Variants in LAMA2 observed in about 807,000 individuals in gnomAD.
LAMA2 encodes the protein laminin subunit alpha-2.
A neutral mutation model predicts 364.8 loss-of-function variants in LAMA2; 269 were observed. That is an observed-to-expected ratio of 0.74 (90% CI 0.67 to 0.82). LAMA2 has a LOEUF of 0.82. LAMA2 is among the 40% of genes least tolerant of loss of function. The pLI is 0.00. For missense variants in LAMA2, 3,807 were observed against 3,873.2 expected, an observed-to-expected ratio of 0.98 and a Z score of 0.45; for synonymous variants, 1,379 against 1,370.6, an observed-to-expected ratio of 1.01 and a Z score of -0.14.
intron 1 of LAMA2, among the ~76,000 whole-genome samples, chr6:128,978,607 T>C (rs889264297): frequency 6.6e-6 from 1 of 152,154 alleles, no homozygotes; most frequent in African/African-American, 2.4e-5. Flanking sequence ...TGAGCCACCA[T>C]GCCCGGTCAG....
chr6:129,403,762 G>A (rs1319718832), intron 39 of LAMA2, 59 bp from the exon 40 acceptor site: 18 of 1,514,382 alleles, frequency 1.2e-5, no homozygotes, highest in South Asian at 3.4e-5. Context: ...TAATTAGGAC[G>A]TTCTTCATTT....
chr6:129,353,417 C>G, intron 32 of LAMA2, 60 bp downstream of exon 32: 4 of 1,204,678 alleles, frequency 3.3e-6, no homozygotes, highest in Non-Finnish European at 4.5e-6. Context: ...TGTCTCATTT[C>G]CAATGAGAAA....
intron 62 of LAMA2, among the ~76,000 whole-genome samples, chr6:129,508,570 G>T (rs1014183346): frequency 8.5e-5 from 13 of 152,060 alleles, no homozygotes; most frequent in Non-Finnish European, 1.3e-4. Context: ...ATCTCCATGA[G>T]TTGAATTGCT....
chr6:129,272,709 G>A lies in LAMA2; in HGVS notation c.2450+1958G>A, dbSNP rs148996923. 2.0e-3 allele frequency among the ~76,000 whole-genome samples: 298 copies of A among 152,182 alleles called. 3 individuals are homozygous for A. The highest frequency in any genetic ancestry group is 0.015 in the Admixed American group (231 of 15,284). On this transcript the variant is annotated intron_variant, in intron 17 of 64. Transcript: ENST00000421865. ...AACCATCTATAGCCTGTTAGGAACC[G>A]GGCTGCCTAGCAGGAAGTGAGTGGT...
At chr6:128,981,961 T>C (rs1782916105) in intron 1 of LAMA2, among the ~76,000 whole-genome samples, 2 of 152,280 alleles carry the variant, frequency 1.3e-5, no homozygotes, top group South Asian at 4.1e-4. Context: ...TCTGCTCTCA[T>C]AGCACATAGG....
intron 32 of LAMA2, among the ~76,000 whole-genome samples, chr6:129,353,752 G>T (rs1197814565): frequency 1.3e-5 from 2 of 152,174 alleles, no homozygotes; most frequent in East Asian, 3.8e-4. Context: ...CGACTGGACA[G>T]ATACTTTAAG....
chr6:128,924,626 C>G (rs1778971198), intron 1 of LAMA2, among the ~76,000 whole-genome samples: 1 of 152,106 alleles, frequency 6.6e-6, no homozygotes, highest in Non-Finnish European at 1.5e-5. Flanking sequence ...TTATACTCCC[C>G]TCTTAGATAT....
At chr6:129,040,486 G>C (rs1399324131) in intron 1 of LAMA2, among the ~76,000 whole-genome samples, 2 of 152,054 alleles carry the variant, frequency 1.3e-5, no homozygotes, top group African/African-American at 4.8e-5. Context: ...GAAATTAGCT[G>C]TATGTGATGG....
chr6:129,478,188 T>A (rs1223661069), intron 53 of LAMA2, among the ~76,000 whole-genome samples: 2 of 152,182 alleles, frequency 1.3e-5, no homozygotes, highest in African/African-American at 4.8e-5. Context: ...TAAAGAGATA[T>A]GTAATATTAT....
chr6:129,388,324 A>G (rs915725886), intron 35 of LAMA2, among the ~76,000 whole-genome samples: 1 of 152,024 alleles, frequency 6.6e-6, no homozygotes, highest in African/African-American at 2.4e-5. Flanking sequence ...GCAAACCACC[A>G]TGGCATATGT....
chr6:129,061,793 A>G (rs1415905435), intron 3 of LAMA2, among the ~76,000 whole-genome samples: 1 of 152,210 alleles, frequency 6.6e-6, no homozygotes, highest in Non-Finnish European at 1.5e-5. Flanking sequence ...ACCTGACTCC[A>G]AAGTCTGAAA....
intron 30 of LAMA2, 80 bp downstream of exon 30, chr6:129,342,547 T>A: frequency 7.1e-7 from 1 of 1,411,018 alleles, no homozygotes; most frequent in Admixed American, 2.1e-5. Context: ...GATTTGGCTA[T>A]TTTTTCCATG....
intron 22 of LAMA2, among the ~76,000 whole-genome samples, chr6:129,304,555 G>T (rs538983383): frequency 2.6e-5 from 4 of 152,308 alleles, no homozygotes; most frequent in African/African-American, 9.6e-5. Flanking sequence ...GAGCCACCGT[G>T]CCCGGCCAAT....
chr6:129,124,566 C>A (rs1281268613), intron 4 of LAMA2, among the ~76,000 whole-genome samples: 2 of 152,188 alleles, frequency 1.3e-5, no homozygotes, highest in Non-Finnish European at 2.9e-5. Context: ...ATGCTGCTTC[C>A]TGGGCTGTGA....
intron 43 of LAMA2, among the ~76,000 whole-genome samples, chr6:129,441,721 GT>G (rs1014700537): frequency 3.6e-4 from 55 of 152,204 alleles, no homozygotes; most frequent in African/African-American, 1.3e-3. Context: ...GTTAACACCT[GT>G]AATCTTTGCA....
In LAMA2 at chr6:129,158,888, G is replaced by A; in HGVS notation, c.1206+4205G>A. 1.9e-6 allele frequency: 3 copies of A among 1,611,150 alleles called. No homozygotes were observed. The South Asian group carries it at 3.3e-5, about 18-fold the overall frequency. On this transcript the variant is annotated intron_variant, in intron 8 of 64. Transcript: ENST00000421865. ...TATGATGGCAAAGCAACGTCCATTA[G>A]TTATGCATGTGTTATTAATAGCATC...
chr6:129,287,990 C>T lies in LAMA2; in HGVS notation c.2681C>T (p.Thr894Ile), dbSNP rs1789397335. 1 of 1,613,998 alleles carries T rather than the reference C, an allele frequency of 6.2e-7. No individual in the cohort carries two copies. Among genetic ancestry groups the T allele is most frequent in the Non-Finnish European group, 8.5e-7 (1 of 1,179,984 alleles). Residue 894 changes from threonine (T) to isoleucine (I), a missense_variant, in exon 19 of 65, where the codon ACA becomes ATA. Physicochemically the swap from Thr to Ile is moderately conservative, Grantham distance 89 (BLOSUM62 -1). Around this residue, in one of 3 missense-constraint regions of LAMA2, gnomAD observed 3,333 missense variants for 3,345.7 expected, o/e 1.00. Transcript: ENST00000421865. ...TGTCTGATATGTAAACCAGGTACAA[C>T]AGGCCGGTACTGTGAGCTCTGTGCT... ...GSCLICKPGTTGRYCELCADG... is the reference protein window; with the variant it reads ...GSCLICKPGTIGRYCELCADG...
Position 128,982,713 on chromosome 6 carries a change from G to A in LAMA2, c.113-67205G>A, listed in dbSNP as rs370132838. Among the ~76,000 whole-genome samples the A allele has an allele frequency of 1.1e-3, 167 of 149,454 alleles. 2 individuals carry two copies. The South Asian group carries it at 0.021, about 18-fold the overall frequency. ...GCTGGTGTGCTGCACCCATTAACTC[G>A]TCATTTAGCATTAGGTATATCTCCT... On this transcript the variant is annotated intron_variant, in intron 1 of 64. Coordinates refer to ENST00000421865, the MANE Select transcript of LAMA2 (RefSeq NM_000426.4).
At chr6:129,363,349 G>A (rs751193106) in intron 32 of LAMA2, among the ~76,000 whole-genome samples, 16 of 152,090 alleles carry the variant, frequency 1.1e-4, no homozygotes, top group Non-Finnish European at 2.1e-4. Context: ...CCTTACCACA[G>A]ACCCATCAAA....
Sources: allele counts gnomAD v4.1 joint callset (sites outside exome capture counted in the v4.1 genomes callset), GRCh38; gene constraint gnomAD v4.1.1; regional missense constraint gnomAD v4.1.1; transcripts MANE v1.5; gene names NCBI Gene and HGNC (gene_info 2026-07-23, HGNC 2026-07-21).